Variants in TBC1D22A observed in about 807,000 individuals in gnomAD.
The protein encoded by TBC1D22A is TBC1 domain family member 22A, also known as putative GTPase activator.
Under a neutral mutation model 60.2 loss-of-function variants are expected in TBC1D22A, and 38 were observed. The ratio of observed to expected loss-of-function variants is 0.63; its 90% CI spans 0.49 to 0.83. The LOEUF (loss-of-function observed/expected upper bound fraction) is 0.83. Among genes scored for constraint, TBC1D22A ranks in the 40% least tolerant of loss-of-function variants. TBC1D22A has a pLI of 0.00. For synonymous variants in TBC1D22A, 302 were observed against 281.7 expected (o/e 1.07, Z -0.72); for missense variants, 628 against 701.0 (o/e 0.90, Z 1.18).
chr22:46,956,095 A>C (rs930188476), intron 8 of TBC1D22A, among the ~76,000 whole-genome samples: 10 of 152,158 alleles, frequency 6.6e-5, no homozygotes, highest in African/African-American at 1.9e-4. Context: ...TTTAGTCTCA[A>C]TTCTGGTTTA....
chr22:46,831,961 C>CT (rs1464840193), intron 4 of TBC1D22A, among the ~76,000 whole-genome samples: 2 of 152,102 alleles, frequency 1.3e-5, no homozygotes, highest in East Asian at 3.9e-4. Flanking sequence ...GTCCTTTCCC[C>CT]CCTCATTATT....
chr22:46,792,618 A>G (rs2084463127), intron 2 of TBC1D22A, 42 bp downstream of exon 2: 4 of 1,614,136 alleles, frequency 2.5e-6, no homozygotes, highest in East Asian at 2.2e-5. Flanking sequence ...CGGCTCTGAT[A>G]TGGGAGGGCT....
intron 12 of TBC1D22A, among the ~76,000 whole-genome samples, chr22:47,164,829 C>T (rs563178866): frequency 2.6e-5 from 4 of 152,292 alleles, no homozygotes; most frequent in South Asian, 4.1e-4. Context: ...GTCACGGAAG[C>T]GGATACTTCA....
intron 10 of TBC1D22A, among the ~76,000 whole-genome samples, chr22:46,999,513 A>G (rs757873302): frequency 1.3e-5 from 2 of 152,220 alleles, no homozygotes; most frequent in Non-Finnish European, 1.5e-5. Context: ...AATAGACAGA[A>G]TTTCTCGCGT....
At chr22:47,152,645 AG>A (rs1195795577) in intron 12 of TBC1D22A, among the ~76,000 whole-genome samples, 2 of 152,238 alleles carry the variant, frequency 1.3e-5, no homozygotes, top group Non-Finnish European at 2.9e-5. Flanking sequence ...CTTGCTTATG[AG>A]ATGGAACTAG....
intron 8 of TBC1D22A, among the ~76,000 whole-genome samples, chr22:46,925,181 A>G (rs2070980319): frequency 6.6e-6 from 1 of 152,218 alleles, no homozygotes; most frequent in African/African-American, 2.4e-5. Context: ...AACCAAGGCT[A>G]CTGCCAAATA....
intron 4 of TBC1D22A, among the ~76,000 whole-genome samples, chr22:46,873,356 C>A: frequency 6.6e-6 from 1 of 152,108 alleles, no homozygotes; most frequent in Non-Finnish European, 1.5e-5. Flanking sequence ...TACCCTTTAA[C>A]ACGTACTAGA....
chr22:47,062,825 A>G (rs1457233857), intron 11 of TBC1D22A, among the ~76,000 whole-genome samples: 4 of 152,096 alleles, frequency 2.6e-5, no homozygotes, highest in South Asian at 2.1e-4. Flanking sequence ...CAGGTTATCT[A>G]TGAGTGGTGG....
At chr22:47,141,703 C>T (rs1054801153) in intron 12 of TBC1D22A, among the ~76,000 whole-genome samples, 2 of 152,228 alleles carry the variant, frequency 1.3e-5, no homozygotes, top group Non-Finnish European at 2.9e-5. Flanking sequence ...TTGTGCCACA[C>T]ACCTGCTCTT....
At chr22:46,895,998 G>C (rs978894627) in intron 7 of TBC1D22A, among the ~76,000 whole-genome samples, 8 of 152,126 alleles carry the variant, frequency 5.3e-5, no homozygotes, top group Admixed American at 1.3e-4. Context: ...GCGTGTGAGT[G>C]TTCCCTCCGC....
chr22:47,016,737 G>A (rs560807527), intron 10 of TBC1D22A, among the ~76,000 whole-genome samples: 2 of 152,302 alleles, frequency 1.3e-5, no homozygotes, highest in East Asian at 1.9e-4. Flanking sequence ...ACATTGCTGC[G>A]CTTCCAGTCA....
Position 47,055,058 on chromosome 22 carries a change from G to A in TBC1D22A, c.1329+17860G>A, listed in dbSNP as rs2063348705. ...GCTTCTTTCTTGCCTCCGAGGTGGA[G>A]GAGGTGAGGGGGTCTCGAGGGCACT... is the stretch of plus-strand genomic sequence containing the variant. On this transcript the variant is annotated intron_variant, in intron 11 of 12. Coordinates refer to ENST00000337137, the MANE Select transcript of TBC1D22A (RefSeq NM_014346.5). Among the ~76,000 whole-genome samples the A allele has an allele frequency of 2.0e-5, 3 of 152,360 alleles. No homozygotes were observed. In the South Asian group the frequency reaches 6.2e-4, roughly 32 times the overall value.
At chr22:47,157,860 C>T (rs1881026092) in intron 12 of TBC1D22A, among the ~76,000 whole-genome samples, 1 of 152,094 alleles carries the variant, frequency 6.6e-6, no homozygotes, top group Non-Finnish European at 1.5e-5. Flanking sequence ...CCCAAGCCCT[C>T]ATTCTTTCTT....
At chr22:46,911,963 A>C in intron 7 of TBC1D22A, 111 bp from the exon 8 acceptor site, 1 of 697,516 alleles carries the variant, frequency 1.4e-6, no homozygotes. Flanking sequence ...GTATCTTAAT[A>C]TTAGGAGCAA....
rs570595308 is a variant in TBC1D22A, at chr22:46,890,520, TTA to T, written c.709-741_709-740del. Among the ~76,000 whole-genome samples, 577 of 152,312 alleles carry T rather than the reference TTA, an allele frequency of 3.8e-3. 2 individuals are homozygous for T. The highest frequency in any genetic ancestry group is 6.6e-3 in the Non-Finnish European group (449 of 68,020). ...AGTTACATGCAAACACTATGGCATT[TTA>T]TATAAGGGTCTTGAGTAGCTAAGAA... On this transcript the variant is annotated intron_variant, in intron 5 of 12. Transcript: ENST00000337137.
intron 12 of TBC1D22A, among the ~76,000 whole-genome samples, chr22:47,169,398 C>T (rs1003162729): frequency 1.2e-4 from 18 of 152,322 alleles, no homozygotes; most frequent in African/African-American, 4.3e-4. Context: ...CCCCAGGCCC[C>T]ACCTCCCAGA....
intron 7 of TBC1D22A, among the ~76,000 whole-genome samples, chr22:46,910,006 T>C (rs551265744): frequency 2.6e-4 from 39 of 152,380 alleles, no homozygotes; most frequent in Admixed American, 5.2e-4. Flanking sequence ...TTCGCATCAT[T>C]TGCTAAGCTT....
At chr22:46,824,944 G>T (rs1475940873) in intron 4 of TBC1D22A, among the ~76,000 whole-genome samples, 1 of 152,168 alleles carries the variant, frequency 6.6e-6, no homozygotes, top group African/African-American at 2.4e-5. Flanking sequence ...AGGTGTGTCT[G>T]TAGTGATCTG....
intron 7 of TBC1D22A, among the ~76,000 whole-genome samples, chr22:46,910,221 C>T (rs1247762548): frequency 2.0e-5 from 3 of 152,070 alleles, no homozygotes; most frequent in Non-Finnish European, 2.9e-5. Flanking sequence ...CCTGAACAGC[C>T]GTGTGCACTG....
Sources: gnomAD v4.1 joint callset for allele counts (sites outside exome capture counted in the v4.1 genomes callset) on GRCh38, gnomAD v4.1.1 for gene constraint, MANE v1.5 for transcripts, NCBI Gene and HGNC (gene_info 2026-07-23, HGNC 2026-07-21) for gene names.